TBC1D19: variants seen among roughly 807,000 people sequenced by gnomAD.
TBC1D19 encodes the protein TBC1 domain family member 19.
A neutral mutation model predicts 89.0 loss-of-function variants in TBC1D19; 60 were observed. The ratio of observed to expected loss-of-function variants is 0.67; its 90% CI spans 0.55 to 0.84. The LOEUF (loss-of-function observed/expected upper bound fraction) is 0.84. Among genes scored for constraint, TBC1D19 ranks in the 40% least tolerant of loss-of-function variants. The pLI, the probability that TBC1D19 is intolerant of heterozygous loss-of-function variation, is 0.00. For missense variants in TBC1D19, 500 were observed against 610.8 expected (o/e 0.82, Z 1.91); for synonymous variants, 189 against 199.7 (o/e 0.95, Z 0.45).
At chr4:26,621,791 A>G (rs944642977) in intron 4 of TBC1D19, among the ~76,000 whole-genome samples, 2 of 152,338 alleles carry the variant, frequency 1.3e-5, no homozygotes, top group Admixed American at 6.5e-5. Context: ...TAAATAATAC[A>G]TATATGAAAG....
chr4:26,612,399 A>T (rs923860474), intron 1 of TBC1D19, among the ~76,000 whole-genome samples: 1 of 151,942 alleles, frequency 6.6e-6, no homozygotes, highest in African/African-American at 2.4e-5. Flanking sequence ...ATGAAGATTT[A>T]AAAAATGTAA....
intron 1 of TBC1D19, among the ~76,000 whole-genome samples, chr4:26,593,951 A>G (rs1220207558): frequency 6.6e-6 from 1 of 152,198 alleles, no homozygotes; most frequent in Non-Finnish European, 1.5e-5. Context: ...AGGGATCTAG[A>G]ACTAGAAATA....
the TBC1D19 span, among the ~76,000 whole-genome samples, chr4:26,817,095 C>T: frequency 1.3e-5 from 2 of 152,210 alleles, no homozygotes; most frequent in Admixed American, 6.5e-5. Context: ...GCTCTTTACT[C>T]TAAAGCTTGA....
intron 1 of TBC1D19, chr4:26,584,891 A>G (rs1739323102): frequency 5.4e-6 from 1 of 183,840 alleles, no homozygotes; most frequent in Non-Finnish European, 1.1e-5. Context: ...AAATGAAATC[A>G]TACAGTTTGT....
At chr4:26,618,409 G>A (rs1741829459) in intron 3 of TBC1D19, among the ~76,000 whole-genome samples, 2 of 152,132 alleles carry the variant, frequency 1.3e-5, no homozygotes, top group South Asian at 4.1e-4. Context: ...AGGCAGAAGG[G>A]AATAGCAGGC....
At chr4:26,581,360 C>T (rs184879501), upstream of TBC1D19, among the ~76,000 whole-genome samples, 31 of 152,260 alleles carry the variant, frequency 2.0e-4, 1 homozygote, top group South Asian at 2.1e-4. Context: ...TTTGTCCTAA[C>T]GCTCTCCCTT....
At chr4:26,858,848 A>G in the TBC1D19 span, 3 of 151,860 alleles carry the variant, frequency 2.0e-5, no homozygotes, top group Non-Finnish European at 4.4e-5. Flanking sequence ...AGTCCAATAC[A>G]CTCTCAATGT....
intron 9 of TBC1D19, among the ~76,000 whole-genome samples, chr4:26,669,648 T>G (rs543304249): frequency 1.3e-5 from 2 of 151,952 alleles, no homozygotes; most frequent in East Asian, 3.9e-4. Context: ...TATTGTTATT[T>G]CATACTACTT....
chr4:26,793,709 TG>T, the TBC1D19 span, among the ~76,000 whole-genome samples: 1 of 117,244 alleles, frequency 8.5e-6, no homozygotes, highest in African/African-American at 3.4e-5. Context: ...GGAGACAGAG[TG>T]GGACTTCGTC....
intron 13 of TBC1D19, among the ~76,000 whole-genome samples, chr4:26,716,458 T>C (rs1193844391): frequency 6.6e-6 from 1 of 152,132 alleles, no homozygotes; most frequent in East Asian, 1.9e-4. Context: ...GTGGTCCAGT[T>C]TTTGGAATTT....
intron 7 of TBC1D19, among the ~76,000 whole-genome samples, chr4:26,644,900 C>T (rs539113511): frequency 1.1e-4 from 16 of 152,262 alleles, no homozygotes; most frequent in Admixed American, 9.2e-4. Context: ...GAACTACAAA[C>T]CACTGTTCAA....
At chr4:26,809,674 G>T in the TBC1D19 span, among the ~76,000 whole-genome samples, 1 of 152,112 alleles carries the variant, frequency 6.6e-6, no homozygotes, top group Non-Finnish European at 1.5e-5. Flanking sequence ...AGCTGAGACC[G>T]CTGGGCAATG....
chr4:26,620,326 C>T lies in TBC1D19; in HGVS notation c.219-287C>T, dbSNP rs571211967. Reference sequence around the variant, plus strand: ...ATTTTCTCACGGCACTTACTGCAATCTGATATTATTTTATTTGTATGTGTT... The same window carrying T: ...ATTTTCTCACGGCACTTACTGCAATTTGATATTATTTTATTTGTATGTGTT... On this transcript the variant is annotated intron_variant, in intron 3 of 20. Coordinates refer to ENST00000264866, the MANE Select transcript of TBC1D19 (RefSeq NM_018317.4). 1.0e-3 allele frequency among the ~76,000 whole-genome samples: 155 copies of T among 152,264 alleles called. 1 individual carries two copies. The highest frequency in any genetic ancestry group is 9.2e-3 in the Admixed American group (141 of 15,282).
chr4:26,629,565 G>C (rs1742661200), intron 4 of TBC1D19, among the ~76,000 whole-genome samples: 1 of 151,976 alleles, frequency 6.6e-6, no homozygotes, highest in Non-Finnish European at 1.5e-5. Context: ...AAAATATTCA[G>C]ACCCTTTGAC....
Position 26,715,268 on chromosome 4 carries a change from C to T in TBC1D19, c.955-2665C>T, listed in dbSNP as rs761951303. On this transcript the variant is annotated intron_variant, in intron 13 of 20. Coordinates refer to ENST00000264866, the MANE Select transcript of TBC1D19 (RefSeq NM_018317.4). ...CTGTCTCAGTTAAAGGTGTTCCACT[C>T]GCTGAGATCAAACATCCTTCTACCT... Among the ~76,000 whole-genome samples, 23 of 152,126 alleles carry T rather than the reference C, an allele frequency of 1.5e-4. 1 individual carries two copies. Among genetic ancestry groups the T allele is most frequent in the African/African-American group, 5.3e-4 (22 of 41,534 alleles).
rs192459890 is a variant in TBC1D19 at position 26,754,068 on chromosome 4, G to A, written c.1506+178G>A. 1.7e-5 allele frequency: 10 copies of A among 575,074 alleles called. No homozygotes were observed. In the East Asian group the frequency reaches 2.8e-4, roughly 16 times the overall value. 35.6% of individuals were successfully genotyped at this position (575,074 alleles called of 1,614,324 possible). On this transcript the variant is annotated intron_variant, in intron 20 of 20. Transcript: ENST00000264866. ...AGGATTCAAATTTCTTTAATTACTT[G>A]AGAAAAGTCTTCTTATGAAGGAGTA...
In TBC1D19 at chr4:26,641,583, G is replaced by A. The variant is rs576901579; in HGVS notation, c.480+1396G>A. ...AAGCAGGACGGAGAATGACTTTGAC[G>A]AGCTGACAGAAGTAGGCTTCAGAAA... On this transcript the variant is annotated intron_variant, in intron 7 of 20. Transcript: ENST00000264866. Among the ~76,000 whole-genome samples the A allele has an allele frequency of 5.9e-5, 9 of 152,300 alleles. No individual in the cohort carries two copies. The East Asian group carries it at 7.7e-4, about 13-fold the overall frequency.
intron 15 of TBC1D19, among the ~76,000 whole-genome samples, chr4:26,733,224 T>C (rs1717772206): frequency 6.6e-6 from 1 of 152,226 alleles, no homozygotes; most frequent in Non-Finnish European, 1.5e-5. Flanking sequence ...AAATTGCTTC[T>C]AGAAACAACA....
At chr4:26,604,427 C>T (rs1268434503) in intron 1 of TBC1D19, among the ~76,000 whole-genome samples, 2 of 150,574 alleles carry the variant, frequency 1.3e-5, no homozygotes, top group Non-Finnish European at 3.0e-5. Flanking sequence ...GCTGGGATTA[C>T]AGGCGTGAGC....
Sources: allele counts gnomAD v4.1 joint callset (sites outside exome capture counted in the v4.1 genomes callset), GRCh38; gene constraint gnomAD v4.1.1; transcripts MANE v1.5; gene names NCBI Gene and HGNC (gene_info 2026-07-23, HGNC 2026-07-21).